The following C2orf92 variants were observed in gnomAD, a reference collection of about 807,000 sequenced individuals.
The protein encoded by C2orf92 is chromosome 2 open reading frame 92, also known as uncharacterized protein C2orf92.
chr2:97,692,407 CTTTTTTTTT>C (rs755849117), intron 5 of C2orf92, among the ~76,000 whole-genome samples: 1 of 119,382 alleles, frequency 8.4e-6, no homozygotes, highest in Non-Finnish European at 1.7e-5. Context: ...AGTTTTACTT[CTTTTTTTTT>C]TTTTTTTTTT....
chr2:97,699,304 C>T (rs904311306), intron 6 of C2orf92, among the ~76,000 whole-genome samples, 168 bp downstream of exon 6: 1 of 151,990 alleles, frequency 6.6e-6, no homozygotes, highest in Non-Finnish European at 1.5e-5. Flanking sequence ...TGAATTAAAC[C>T]AACTCCAGAG....
intron 3 of C2orf92, among the ~76,000 whole-genome samples, chr2:97,676,436 AAAAAAAAAAAAAG>A (rs1487687242): frequency 3.2e-5 from 4 of 123,810 alleles, no homozygotes; most frequent in African/African-American, 8.7e-5. Flanking sequence ...TCCATCTCAA[AAAAAAAAAAAAAG>A]AAAAAAAAAA....
chr2:97,680,497 T>C (rs1286342618), intron 3 of C2orf92, among the ~76,000 whole-genome samples: 1 of 152,184 alleles, frequency 6.6e-6, no homozygotes, highest in Non-Finnish European at 1.5e-5. Context: ...GGAAAATGTA[T>C]TTCATGCAAA....
chr2:97,687,353 C>T (rs993902718), intron 3 of C2orf92, among the ~76,000 whole-genome samples: 5 of 152,088 alleles, frequency 3.3e-5, no homozygotes, highest in Non-Finnish European at 7.3e-5. Context: ...GGTGACACAG[C>T]GAGACTTTGT....
intron 3 of C2orf92, among the ~76,000 whole-genome samples, chr2:97,681,125 A>AAG (rs1675758443): frequency 7.9e-6 from 1 of 127,010 alleles, no homozygotes; most frequent in African/African-American, 3.1e-5. Flanking sequence ...AAAAAAAAAA[A>AAG]AAAAAAAAGA....
upstream of C2orf92, chr2:97,667,167 A>C (rs1006086904): frequency 3.3e-5 from 5 of 152,178 alleles, no homozygotes; most frequent in South Asian, 1.0e-3. Flanking sequence ...ATCAGGACAC[A>C]TTGCTAAGTA....
chr2:97,696,446 A>T (rs1676308096), intron 5 of C2orf92, among the ~76,000 whole-genome samples: 1 of 152,090 alleles, frequency 6.6e-6, no homozygotes, highest in Non-Finnish European at 1.5e-5. Context: ...CAAAAAAAAA[A>T]GAAAAAAAGG....
chr2:97,698,882 G>A (rs1350501121), intron 5 of C2orf92, 144 bp from the exon 6 acceptor site: 1 of 393,076 alleles, frequency 2.5e-6, no homozygotes, highest in East Asian at 3.6e-5. Flanking sequence ...CCAAAACACT[G>A]AGGTTCTGTA....
upstream of C2orf92, among the ~76,000 whole-genome samples, chr2:97,666,304 G>A (rs1434128038): frequency 1.3e-5 from 2 of 151,952 alleles, no homozygotes; most frequent in African/African-American, 2.4e-5. Context: ...TTGGAAGGCC[G>A]AGGCGGGCAG....
intron 4 of C2orf92, 104 bp from the exon 5 acceptor site, chr2:97,690,148 CAAAA>C (rs753393989): frequency 2.9e-6 from 1 of 350,140 alleles, no homozygotes; most frequent in Non-Finnish European, 5.2e-6. Context: ...AAAAAAACCA[CAAAA>C]AAACCAAAAA....
chr2:97,684,445 G>C (rs1389771991), intron 3 of C2orf92, among the ~76,000 whole-genome samples: 1 of 152,178 alleles, frequency 6.6e-6, no homozygotes, highest in Non-Finnish European at 1.5e-5. Flanking sequence ...AATGAAGCTA[G>C]CTCATTACCT....
At chr2:97,700,607 C>A (rs1296692754) in intron 6 of C2orf92, among the ~76,000 whole-genome samples, 2 of 152,282 alleles carry the variant, frequency 1.3e-5, no homozygotes, top group South Asian at 2.1e-4. Flanking sequence ...CATCTCCACC[C>A]CCCAAAATCA....
intron 5 of C2orf92, 45 bp downstream of exon 5, chr2:97,690,372 T>C (rs953182018): frequency 4.3e-5 from 17 of 397,056 alleles, no homozygotes; most frequent in South Asian, 1.3e-4. Flanking sequence ...TGGTAAGTCA[T>C]TGTTCTTTTT....
At chr2:97,701,857 T>C (rs1218428718) in intron 7 of C2orf92, among the ~76,000 whole-genome samples, 1 of 152,166 alleles carries the variant, frequency 6.6e-6, no homozygotes, top group Non-Finnish European at 1.5e-5. Context: ...AGGCTCTGCT[T>C]CAGTGGTGGT....
chr2:97,680,665 G>A (rs1350137846), intron 3 of C2orf92, among the ~76,000 whole-genome samples: 1 of 152,184 alleles, frequency 6.6e-6, no homozygotes, highest in East Asian at 1.9e-4. Flanking sequence ...GGTGGCTCAC[G>A]CCTGTAGTCC....
At chr2:97,696,009 C>A (rs1169607700) in intron 5 of C2orf92, among the ~76,000 whole-genome samples, 1 of 152,212 alleles carries the variant, frequency 6.6e-6, no homozygotes, top group African/African-American at 2.4e-5. Flanking sequence ...CATTCTCTCA[C>A]TCAAGACCTA....
intron 7 of C2orf92, 126 bp from the exon 8 acceptor site, chr2:97,702,543 A>G (rs1366776732): frequency 2.5e-6 from 1 of 396,092 alleles, no homozygotes; most frequent in Non-Finnish European, 4.4e-6. Flanking sequence ...ACAGATGACA[A>G]ACCTTACTGA....
At chr2:97,674,120 A>G (rs1483892137) in intron 1 of C2orf92, 1 of 195,632 alleles carries the variant, frequency 5.1e-6, no homozygotes, top group African/African-American at 2.3e-5. Flanking sequence ...GAGGTCGGGA[A>G]AGGCCCGCTT....
At chr2:97,677,739 TTAAAA>T (rs1275084666) in intron 3 of C2orf92, 2 of 151,932 alleles carry the variant, frequency 1.3e-5, no homozygotes, top group Admixed American at 1.3e-4. Context: ...AACCTGGGAA[TTAAAA>T]TTATTACACA....
Sources: allele counts gnomAD v4.1 joint callset (sites outside exome capture counted in the v4.1 genomes callset), GRCh38; gene constraint gnomAD v4.1.1; transcripts MANE v1.5; gene names NCBI Gene and HGNC (gene_info 2026-07-23, HGNC 2026-07-21).